Variants in SEMA3A observed in about 807,000 individuals in gnomAD.
The protein encoded by SEMA3A is semaphorin-3A.
Under a neutral mutation model 97.9 loss-of-function variants are expected in SEMA3A, and 29 were observed. The observed-to-expected ratio is 0.30, with a 90% CI of 0.22 to 0.40. The LOEUF (loss-of-function observed/expected upper bound fraction) is 0.40, where lower values mean the gene tolerates loss of function less well. Among genes scored for constraint, SEMA3A ranks in the 10% least tolerant of loss-of-function variants. SEMA3A has a pLI of 1.00. For missense variants in SEMA3A, 763 were observed against 951.3 expected, an observed-to-expected ratio of 0.80 and a Z score of 2.60; for synonymous variants, 321 against 323.7, an observed-to-expected ratio of 0.99 and a Z score of 0.09.
At chr7:84,422,095 CA>C (rs1268353659) in intron 1 of SEMA3A, among the ~76,000 whole-genome samples, 1 of 151,972 alleles carries the variant, frequency 6.6e-6, no homozygotes, top group East Asian at 1.9e-4. Flanking sequence ...TGAATGGTAC[CA>C]GCTCCTCTTC....
At chr7:84,454,861 C>T (rs891724497) in intron 1 of SEMA3A, among the ~76,000 whole-genome samples, 1 of 151,838 alleles carries the variant, frequency 6.6e-6, no homozygotes, top group Admixed American at 6.6e-5. Flanking sequence ...CAGTAAGAGA[C>T]TGAATAAGCC....
intron 1 of SEMA3A, among the ~76,000 whole-genome samples, chr7:84,170,068 A>T (rs1375566805): frequency 2.0e-5 from 3 of 151,958 alleles, no homozygotes; most frequent in Non-Finnish European, 2.9e-5. Context: ...GTCACCAAGC[A>T]CACTGCAATT....
intron 1 of SEMA3A, among the ~76,000 whole-genome samples, chr7:84,421,235 T>C (rs959103020): frequency 6.6e-6 from 1 of 152,042 alleles, no homozygotes; most frequent in African/African-American, 2.4e-5. Flanking sequence ...ATATTTATAG[T>C]GCTGAAAGAA....
chr7:84,113,608 GT>G (rs1562790456), intron 3 of SEMA3A, among the ~76,000 whole-genome samples: 1 of 152,138 alleles, frequency 6.6e-6, no homozygotes, highest in African/African-American at 2.4e-5. Flanking sequence ...GATTTACAAT[GT>G]AATAAAGAGA....
intron 4 of SEMA3A, among the ~76,000 whole-genome samples, chr7:84,105,842 T>C (rs1197403481): frequency 1.3e-5 from 2 of 152,182 alleles, no homozygotes; most frequent in Admixed American, 6.5e-5. Flanking sequence ...CAAACTCATG[T>C]GTACTCTAAC....
chr7:84,177,245 A>G (rs1469592186), intron 1 of SEMA3A, among the ~76,000 whole-genome samples: 2 of 152,126 alleles, frequency 1.3e-5, no homozygotes, highest in African/African-American at 4.8e-5. Context: ...TGGCTCATGA[A>G]GTTTATTTTG....
chr7:84,446,007 A>C (rs1395286291), intron 1 of SEMA3A, among the ~76,000 whole-genome samples: 2 of 152,164 alleles, frequency 1.3e-5, no homozygotes, highest in African/African-American at 4.8e-5. Flanking sequence ...TAAAATCAGA[A>C]AGGAGTGTGG....
chr7:84,396,772 T>A (rs1803745471), intron 1 of SEMA3A, among the ~76,000 whole-genome samples: 1 of 152,034 alleles, frequency 6.6e-6, no homozygotes, highest in African/African-American at 2.4e-5. Flanking sequence ...TCTAACTGTA[T>A]AATATTTATT....
At chr7:84,228,306 A>G (rs1469879822) in intron 3 of SEMA3A, among the ~76,000 whole-genome samples, 1 of 152,116 alleles carries the variant, frequency 6.6e-6, no homozygotes, top group Non-Finnish European at 1.5e-5. Context: ...GGAGGCTACA[A>G]ATACCGTACC....
chr7:84,279,959 G>A (rs1800397316), intron 3 of SEMA3A, among the ~76,000 whole-genome samples: 1 of 152,022 alleles, frequency 6.6e-6, no homozygotes, highest in Admixed American at 6.6e-5. Context: ...GTGCAGTGGT[G>A]TGACCACATC....
intron 1 of SEMA3A, among the ~76,000 whole-genome samples, chr7:84,193,158 G>T (rs1798103540): frequency 6.6e-6 from 1 of 151,830 alleles, no homozygotes; most frequent in African/African-American, 2.4e-5. Flanking sequence ...AAAGTAAATA[G>T]ATATTCTAAT....
chr7:84,202,778 G>T (rs2116300327), intron 3 of SEMA3A, among the ~76,000 whole-genome samples: 1 of 152,200 alleles, frequency 6.6e-6, no homozygotes, highest in East Asian at 1.9e-4. Flanking sequence ...CTAATCACAG[G>T]TTATTTTTTT....
At chr7:84,070,615 A>G (rs914976150) in intron 4 of SEMA3A, among the ~76,000 whole-genome samples, 4 of 152,136 alleles carry the variant, frequency 2.6e-5, no homozygotes, top group Admixed American at 2.0e-4. Context: ...TAATAGTTGG[A>G]CGGTATTGAA....
intron 3 of SEMA3A, among the ~76,000 whole-genome samples, chr7:84,283,272 A>C (rs1800494880): frequency 6.6e-6 from 1 of 152,048 alleles, no homozygotes; most frequent in Non-Finnish European, 1.5e-5. Flanking sequence ...CATTTCCCGA[A>C]TGCATGGAAA....
intron 14 of SEMA3A, among the ~76,000 whole-genome samples, chr7:83,979,547 T>C (rs1321127463): frequency 6.6e-6 from 1 of 152,228 alleles, no homozygotes; most frequent in African/African-American, 2.4e-5. Context: ...CATATTGCTA[T>C]TCCTTAAATT....
chr7:84,076,455 AT>A (rs923603882), intron 4 of SEMA3A, among the ~76,000 whole-genome samples: 2 of 152,046 alleles, frequency 1.3e-5, no homozygotes, highest in East Asian at 1.9e-4. Flanking sequence ...TAAAAACCTG[AT>A]TTTTTTGTAC....
intron 1 of SEMA3A, among the ~76,000 whole-genome samples, chr7:84,428,150 C>T (rs1804876661): frequency 6.6e-6 from 1 of 152,100 alleles, no homozygotes. Context: ...ATTACAATAT[C>T]AGATTCAATA....
At chr7:84,388,559 GGCT>G (rs1235170813) in intron 1 of SEMA3A, among the ~76,000 whole-genome samples, 1 of 151,706 alleles carries the variant, frequency 6.6e-6, no homozygotes, top group Admixed American at 6.6e-5. Context: ...CAGACAACAA[GGCT>G]GCTATTACCA....
chr7:84,411,804 T>G (rs1804276452), intron 1 of SEMA3A, among the ~76,000 whole-genome samples: 1 of 152,124 alleles, frequency 6.6e-6, no homozygotes, highest in African/African-American at 2.4e-5. Context: ...CTTTCTTTTT[T>G]CTTTCAAGAA....
Sources: gnomAD v4.1 joint callset for allele counts (sites outside exome capture counted in the v4.1 genomes callset) on GRCh38, gnomAD v4.1.1 for gene constraint, MANE v1.5 for transcripts, NCBI Gene and HGNC (gene_info 2026-07-23, HGNC 2026-07-21) for gene names.